DTD1: variants seen among roughly 807,000 people sequenced by gnomAD.
DTD1 encodes D-tyrosyl-tRNA deacylase 1 homolog.
Under a neutral mutation model 25.6 loss-of-function variants are expected in DTD1, and 13 were observed. That is an observed-to-expected ratio of 0.51 (90% CI 0.33 to 0.81). DTD1 has a LOEUF of 0.81. Among genes scored for constraint, DTD1 ranks in the 30% least tolerant of loss-of-function variants. The pLI is 0.02. For synonymous variants in DTD1, 110 were observed against 103.6 expected (o/e 1.06, Z -0.37); for missense variants, 193 against 266.4 (o/e 0.72, Z 1.92).
chr20:18,633,274 C>T (rs2060795542), intron 4 of DTD1, among the ~76,000 whole-genome samples: 1 of 152,138 alleles, frequency 6.6e-6, no homozygotes, highest in South Asian at 2.1e-4. Context: ...CTGTTGCCTC[C>T]TCTCCCTTGC....
chr20:18,631,135 A>C, intron 4 of DTD1: 1 of 985,362 alleles, frequency 1.0e-6, no homozygotes, highest in East Asian at 1.1e-4. Context: ...GATGGCATTG[A>C]CTCTGCTTCT....
At chr20:18,600,445 T>C (rs2060629174) in intron 3 of DTD1, among the ~76,000 whole-genome samples, 2 of 152,272 alleles carry the variant, frequency 1.3e-5, no homozygotes, top group African/African-American at 2.4e-5. Flanking sequence ...CTCTCTGTTC[T>C]GTTCCATTGG....
intron 4 of DTD1, chr20:18,631,669 C>T (rs1186897908): frequency 1.0e-6 from 1 of 985,398 alleles, no homozygotes. Context: ...CACTTTTGCC[C>T]CTGGAAATGG....
At chr20:18,685,608 A>G (rs1460770837) in intron 4 of DTD1, among the ~76,000 whole-genome samples, 2 of 152,156 alleles carry the variant, frequency 1.3e-5, no homozygotes, top group Non-Finnish European at 2.9e-5. Flanking sequence ...TCATATGTGC[A>G]TTTGGATTTT....
intron 5 of DTD1, among the ~76,000 whole-genome samples, chr20:18,752,869 G>T (rs1393496256): frequency 6.6e-6 from 1 of 152,128 alleles, no homozygotes; most frequent in Non-Finnish European, 1.5e-5. Flanking sequence ...CATGAGGTTG[G>T]TTTGCTTCCT....
chr20:18,727,588 T>C (rs183680218), intron 4 of DTD1, among the ~76,000 whole-genome samples: 143 of 152,292 alleles, frequency 9.4e-4, no homozygotes, highest in African/African-American at 3.0e-3. Context: ...AGTCCGCACA[T>C]GTGAAGTGCA....
intron 4 of DTD1, among the ~76,000 whole-genome samples, chr20:18,678,429 C>T (rs1180032246): frequency 1.3e-5 from 2 of 152,224 alleles, no homozygotes; most frequent in Non-Finnish European, 2.9e-5. Context: ...CCACTGCCTA[C>T]TTTAACCCCA....
rs190145689 is a variant in DTD1, at chr20:18,601,430, C to T, written c.370+5189C>T. The stretch of plus-strand genomic sequence containing the variant: ...AGGAGTATCGCTTGAACGTGGGAGG[C>T]GCAGGTTGCAGTGAGCCGAGATTAC... On this transcript the variant is annotated intron_variant, in intron 3 of 5. Coordinates refer to ENST00000377452, the MANE Select transcript of DTD1 (RefSeq NM_080820.6). Among the ~76,000 whole-genome samples, 10 of 147,942 alleles carry T rather than the reference C, an allele frequency of 6.8e-5. No homozygotes were observed. In the East Asian group the frequency reaches 1.4e-3, roughly 21 times the overall value.
At chr20:18,666,266 C>T (rs1418628902) in intron 4 of DTD1, among the ~76,000 whole-genome samples, 1 of 152,146 alleles carries the variant, frequency 6.6e-6, no homozygotes, top group Admixed American at 6.5e-5. Flanking sequence ...CATATCGTGT[C>T]AAGGGGTATG....
intron 4 of DTD1, among the ~76,000 whole-genome samples, chr20:18,659,346 C>G (rs2060900851): frequency 6.6e-6 from 1 of 152,080 alleles, no homozygotes; most frequent in Non-Finnish European, 1.5e-5. Context: ...AGGGGACTCT[C>G]CCATTCTCCT....
At chr20:18,713,887 T>C (rs1387798145) in intron 4 of DTD1, among the ~76,000 whole-genome samples, 1 of 152,208 alleles carries the variant, frequency 6.6e-6, no homozygotes, top group African/African-American at 2.4e-5. Flanking sequence ...AGAGTGGTCC[T>C]TCTTGGATGT....
intron 4 of DTD1, among the ~76,000 whole-genome samples, chr20:18,666,400 C>G (rs1209005828): frequency 1.3e-5 from 2 of 152,204 alleles, no homozygotes; most frequent in Admixed American, 6.5e-5. Context: ...TCACTAAGCA[C>G]AGTCCTTTCT....
chr20:18,592,163 C>A (rs1568638077), intron 1 of DTD1, among the ~76,000 whole-genome samples: 1 of 152,142 alleles, frequency 6.6e-6, no homozygotes, highest in African/African-American at 2.4e-5. Context: ...TATTACCCTG[C>A]AGAAGCAAGC....
chr20:18,646,460 C>T (rs887736145), intron 4 of DTD1, among the ~76,000 whole-genome samples: 1 of 152,096 alleles, frequency 6.6e-6, no homozygotes, highest in Non-Finnish European at 1.5e-5. Flanking sequence ...GTAGTTTTGT[C>T]CTTTATTTTT....
intron 5 of DTD1, among the ~76,000 whole-genome samples, chr20:18,757,289 C>T (rs147309693): frequency 0.55 from 83,991 of 152,004 alleles, 24,185 homozygotes; most frequent in Non-Finnish European, 0.62. Flanking sequence ...ATTGCCCTGG[C>T]CAGAACTTTC....
chr20:18,709,104 A>G (rs2061147912), intron 4 of DTD1, among the ~76,000 whole-genome samples: 2 of 152,236 alleles, frequency 1.3e-5, no homozygotes, highest in South Asian at 4.1e-4. Flanking sequence ...TTTTGCAAGC[A>G]TATTGATGTA....
chr20:18,673,173 C>G (rs899158380), intron 4 of DTD1, among the ~76,000 whole-genome samples: 1 of 152,158 alleles, frequency 6.6e-6, no homozygotes, highest in African/African-American at 2.4e-5. Context: ...TAATTGATAG[C>G]CTAGCTGTTT....
chr20:18,759,641 A>G (rs1434751463), intron 5 of DTD1, among the ~76,000 whole-genome samples: 5 of 152,170 alleles, frequency 3.3e-5, no homozygotes, highest in East Asian at 1.9e-4. Context: ...TGGGTAACCC[A>G]ACCTTTCTCT....
At chr20:18,667,677 C>G (rs755509346) in intron 4 of DTD1, among the ~76,000 whole-genome samples, 1 of 152,116 alleles carries the variant, frequency 6.6e-6, no homozygotes, top group East Asian at 1.9e-4. Flanking sequence ...GACATGGATC[C>G]GTCTGCCTTA....
Sources: allele counts gnomAD v4.1 joint callset (sites outside exome capture counted in the v4.1 genomes callset), GRCh38; gene constraint gnomAD v4.1.1; transcripts MANE v1.5; gene names NCBI Gene and HGNC (gene_info 2026-07-23, HGNC 2026-07-21).